NPSR1: variants seen among roughly 807,000 people sequenced by gnomAD.
NPSR1 encodes the protein neuropeptide S receptor.
NPSR1 carries 48 observed loss-of-function variants against 46.9 expected under a neutral mutation model. That is an observed-to-expected ratio of 1.02 (90% CI 0.81 to 1.30). The LOEUF is 1.30. NPSR1 is among the 50% of genes most tolerant of loss of function. The pLI is 0.00. For synonymous variants in NPSR1, 176 were observed against 168.1 expected, an observed-to-expected ratio of 1.05 and a Z score of -0.36; for missense variants, 450 against 449.5, an observed-to-expected ratio of 1.00 and a Z score of -0.01.
At chr7:34,845,458 C>T (rs555141682) in intron 7 of NPSR1, 3 of 395,628 alleles carry the variant, frequency 7.6e-6, no homozygotes, top group South Asian at 5.7e-5. Context: ...TTTCCTTTCT[C>T]TCTACTCTTA....
intron 6 of NPSR1, among the ~76,000 whole-genome samples, chr7:34,841,887 T>A (rs1470458344): frequency 6.6e-6 from 1 of 152,230 alleles, no homozygotes; most frequent in Admixed American, 6.5e-5. Context: ...GGGGACACTT[T>A]GAAAGAATAT....
chr7:34,683,521 A>T (rs1792767344), intron 1 of NPSR1, among the ~76,000 whole-genome samples: 1 of 152,042 alleles, frequency 6.6e-6, no homozygotes, highest in Non-Finnish European at 1.5e-5. Flanking sequence ...TTACTAATTA[A>T]TCATTTATCT....
rs372416784 is a variant in NPSR1, at chr7:34,663,335, A to G, written c.147+4776A>G. Among the ~76,000 whole-genome samples the G allele has an allele frequency of 3.5e-3, 532 of 152,028 alleles. 5 individuals are homozygous for G. The highest frequency in any genetic ancestry group is 0.013 in the African/African-American group (527 of 41,424). On this transcript the variant is annotated intron_variant, in intron 1 of 8. Transcript: ENST00000360581. Reference sequence around the variant, plus strand: ...GCTTGAATCCCTGTCTCTCAATCCCAGCGATAATTTCTGCCTCCTTCCTAA... The same window carrying G: ...GCTTGAATCCCTGTCTCTCAATCCCGGCGATAATTTCTGCCTCCTTCCTAA...
chr7:34,673,898 G>A (rs1316399122), intron 1 of NPSR1, among the ~76,000 whole-genome samples: 2 of 152,166 alleles, frequency 1.3e-5, no homozygotes, highest in Non-Finnish European at 2.9e-5. Flanking sequence ...AATCCCCATA[G>A]TTCATGGTAA....
intron 3 of NPSR1, among the ~76,000 whole-genome samples, chr7:34,791,127 A>G (rs1787827331): frequency 7.8e-6 from 1 of 128,786 alleles, no homozygotes; most frequent in African/African-American, 3.0e-5. Flanking sequence ...TATAATATAT[A>G]TGTTATATAT....
chr7:34,732,079 C>CAAA (rs535991989), intron 2 of NPSR1, among the ~76,000 whole-genome samples: 18 of 93,866 alleles, frequency 1.9e-4, no homozygotes, highest in Non-Finnish European at 2.7e-4. Context: ...GACTTCATCT[C>CAAA]AAAAAAAAAA....
chr7:34,722,212 A>C (rs1783895304), intron 2 of NPSR1, among the ~76,000 whole-genome samples: 1 of 152,180 alleles, frequency 6.6e-6, no homozygotes, highest in Non-Finnish European at 1.5e-5. Context: ...AGTATTTAAG[A>C]ATAAAACAAT....
intron 2 of NPSR1, chr7:34,750,501 G>T: frequency 1.4e-6 from 1 of 714,738 alleles, no homozygotes; most frequent in African/African-American, 1.7e-5. Context: ...ACAGTGGATG[G>T]TTTCTTGGCT....
chr7:34,756,880 T>A (rs981442050), intron 2 of NPSR1, among the ~76,000 whole-genome samples: 9 of 152,364 alleles, frequency 5.9e-5, no homozygotes, highest in Admixed American at 3.9e-4. Context: ...GCCTCCCTTG[T>A]GGCTGGCACT....
At chr7:34,827,109 A>G (rs1469888356) in intron 4 of NPSR1, among the ~76,000 whole-genome samples, 3 of 152,220 alleles carry the variant, frequency 2.0e-5, no homozygotes, top group African/African-American at 7.2e-5. Flanking sequence ...CTAATACTGC[A>G]GGAATGGATG....
chr7:34,852,958 C>T (rs1466154794), downstream of NPSR1, among the ~76,000 whole-genome samples: 3 of 152,188 alleles, frequency 2.0e-5, no homozygotes, highest in Admixed American at 1.3e-4. Flanking sequence ...AACTTCTCTA[C>T]TTGCAGGGTG....
intron 2 of NPSR1, among the ~76,000 whole-genome samples, chr7:34,754,305 G>A (rs1392427177): frequency 6.6e-6 from 1 of 152,212 alleles, no homozygotes; most frequent in Non-Finnish European, 1.5e-5. Context: ...TCTAGACTCT[G>A]TTTGATGTAA....
At chr7:34,832,392 G>A (rs1178006158) in intron 5 of NPSR1, among the ~76,000 whole-genome samples, 1 of 152,056 alleles carries the variant, frequency 6.6e-6, no homozygotes, top group Non-Finnish European at 1.5e-5. Context: ...AATTAGCCGG[G>A]CATAGTGGCG....
chr7:34,714,898 A>G (rs114564680), intron 2 of NPSR1, among the ~76,000 whole-genome samples: 107 of 152,370 alleles, frequency 7.0e-4, no homozygotes, highest in Middle Eastern at 3.4e-3. Flanking sequence ...AAATTGTACC[A>G]GGATCACAAA....
intron 8 of NPSR1, among the ~76,000 whole-genome samples, chr7:34,861,330 G>A (rs1298346871): frequency 6.6e-6 from 1 of 151,830 alleles, no homozygotes; most frequent in Non-Finnish European, 1.5e-5. Context: ...CTGAGAATAT[G>A]TTTCCCTCAG....
intron 2 of NPSR1, among the ~76,000 whole-genome samples, chr7:34,766,527 A>T (rs1786439921): frequency 6.6e-6 from 1 of 152,230 alleles, no homozygotes; most frequent in Non-Finnish European, 1.5e-5. Context: ...ATAAGAACAA[A>T]CAAATGATAC....
intron 2 of NPSR1, among the ~76,000 whole-genome samples, chr7:34,739,549 T>C (rs1183812905): frequency 6.6e-6 from 1 of 152,254 alleles, no homozygotes; most frequent in Admixed American, 6.5e-5. Flanking sequence ...CAGAGAAATG[T>C]CACTTAAGTC....
At chr7:34,792,665 T>TGTA (rs1562733079) in intron 3 of NPSR1, among the ~76,000 whole-genome samples, 3 of 78,766 alleles carry the variant, frequency 3.8e-5, no homozygotes, top group African/African-American at 1.2e-4. Flanking sequence ...ATATATATAT[T>TGTA]TATATATATG....
intron 8 of NPSR1, among the ~76,000 whole-genome samples, chr7:34,862,376 G>A (rs1791210149): frequency 6.6e-6 from 1 of 151,730 alleles, no homozygotes. Flanking sequence ...GGCCTCCTCT[G>A]AACTCTTAGG....
Sources: allele counts gnomAD v4.1 joint callset (sites outside exome capture counted in the v4.1 genomes callset), GRCh38; gene constraint gnomAD v4.1.1; transcripts MANE v1.5; gene names NCBI Gene and HGNC (gene_info 2026-07-23, HGNC 2026-07-21).